Variants in ARIH1 observed in about 807,000 individuals in gnomAD.
ARIH1 encodes the protein E3 ubiquitin-protein ligase ARIH1.
A neutral mutation model predicts 85.0 loss-of-function variants in ARIH1; 8 were observed. That is an observed-to-expected ratio of 0.09 (90% CI 0.06 to 0.17). The LOEUF is 0.17. ARIH1 is among the 10% of genes least tolerant of loss of function. ARIH1 has a pLI of 1.00. For missense variants in ARIH1, 311 were observed against 718.1 expected (o/e 0.43, Z 6.48); for synonymous variants, 238 against 253.6 (o/e 0.94, Z 0.59).
In ARIH1 at chr15:72,474,873, T is replaced by TGGCGGC. The variant is rs375614248; in HGVS notation, c.252_257dup (p.Gly89_Gly90dup). On this transcript the variant is annotated inframe_insertion, in exon 1 of 14. Coordinates refer to ENST00000379887, the MANE Select transcript of ARIH1 (RefSeq NM_005744.5). ...GCGGCAGCGCTCTGGGGCCCGGCGG[T>TGGCGGC]GGCGGCGGCGGCGGCGGCGGCGGTG... The TGGCGGC allele has an allele frequency of 5.7e-4, 799 of 1,413,090 alleles. No homozygotes were observed. The highest frequency in any genetic ancestry group is 3.5e-3 in the African/African-American group (236 of 66,984). 87.5% of individuals were successfully genotyped at this position (1,413,090 alleles called of 1,614,324 possible).
intron 1 of ARIH1, among the ~76,000 whole-genome samples, chr15:72,480,567 T>G (rs1567335305): frequency 6.6e-6 from 1 of 151,530 alleles, no homozygotes; most frequent in East Asian, 1.9e-4. Flanking sequence ...AGCCACACTT[T>G]TTGTTGTTGT....
chr15:72,481,796 A>G (rs903470545), intron 1 of ARIH1, among the ~76,000 whole-genome samples: 1 of 152,132 alleles, frequency 6.6e-6, no homozygotes, highest in African/African-American at 2.4e-5. Flanking sequence ...ATGCTATGCT[A>G]TCCTTCAGCT....
intron 2 of ARIH1, among the ~76,000 whole-genome samples, chr15:72,524,686 A>G (rs2064019336): frequency 6.6e-6 from 1 of 152,232 alleles, no homozygotes; most frequent in Non-Finnish European, 1.5e-5. Flanking sequence ...CTGTCTCATA[A>G]ACGTTCAAGG....
intron 1 of ARIH1, among the ~76,000 whole-genome samples, chr15:72,507,897 C>G (rs1225472772): frequency 6.6e-6 from 1 of 152,206 alleles, no homozygotes; most frequent in Non-Finnish European, 1.5e-5. Flanking sequence ...TACTAAAATA[C>G]TATACTGCCA....
At chr15:72,484,765 A>G (rs2063830927) in intron 1 of ARIH1, among the ~76,000 whole-genome samples, 4 of 116,678 alleles carry the variant, frequency 3.4e-5, no homozygotes, top group African/African-American at 1.0e-4. Flanking sequence ...ATACATATAT[A>G]TGTGTATATA....
chr15:72,483,293 C>A (rs1196186621), intron 1 of ARIH1, among the ~76,000 whole-genome samples: 1 of 152,192 alleles, frequency 6.6e-6, no homozygotes, highest in Non-Finnish European at 1.5e-5. Context: ...GTGGGCCTCT[C>A]CATAAAGTGG....
At position 72,505,882 on chromosome 15, in the gene ARIH1, C is replaced by T. The variant is rs140488313; in HGVS notation, c.376-12185C>T. On this transcript the variant is annotated intron_variant, in intron 1 of 13. Transcript: ENST00000379887. ...TCCCGAGGAGCTGGGATTACAGGCT[C>T]GTGCCACCATAGCGGGTAATTTTTT... 2.3e-4 allele frequency among the ~76,000 whole-genome samples: 35 copies of T among 152,142 alleles called. No individual in the cohort carries two copies. In the East Asian group the frequency reaches 5.9e-3, roughly 25 times the overall value.
At chr15:72,533,796 A>G (rs577301424) in intron 2 of ARIH1, among the ~76,000 whole-genome samples, 6 of 152,122 alleles carry the variant, frequency 3.9e-5, no homozygotes, top group Admixed American at 3.9e-4. Context: ...AGTCCCAGCT[A>G]CTCAGGAGGC....
At chr15:72,540,172 C>T (rs537526546) in intron 2 of ARIH1, among the ~76,000 whole-genome samples, 3 of 144,278 alleles carry the variant, frequency 2.1e-5, no homozygotes, top group East Asian at 4.2e-4. Flanking sequence ...GCAGGAGAAT[C>T]GGTTGAACCT....
rs1376618965 is a variant in ARIH1, at chr15:72,593,574, A to G, written c.*10282A>G. On this transcript the variant is annotated 3_prime_UTR_variant, in exon 14 of 14. Transcript: ENST00000379887. ...GTTCCAGCAACATTTACTTAAAAAGACTTTTCTTTACCCATTAGATTGACT... is the reference window on the plus strand; with the variant it reads ...GTTCCAGCAACATTTACTTAAAAAGGCTTTTCTTTACCCATTAGATTGACT... 1.3e-5 allele frequency: 2 copies of G among 152,192 alleles called. No individual in the cohort carries two copies. The highest frequency in any genetic ancestry group is 2.1e-4 in the South Asian group (1 of 4,832). 9.4% of individuals were successfully genotyped at this position (152,192 alleles called of 1,614,324 possible). A position where few individuals can be genotyped will look rare whatever the true frequency, so the allele number is the denominator to read the frequency against.
At chr15:72,489,488 C>G (rs2063850492) in intron 1 of ARIH1, among the ~76,000 whole-genome samples, 1 of 152,108 alleles carries the variant, frequency 6.6e-6, no homozygotes. Context: ...CACTATCACA[C>G]ACTCAGAGTA....
intron 1 of ARIH1, among the ~76,000 whole-genome samples, chr15:72,480,843 T>C (rs1276281054): frequency 6.6e-6 from 1 of 152,202 alleles, no homozygotes; most frequent in African/African-American, 2.4e-5. Context: ...GGGATCACAG[T>C]GAGCCACCTT....
intron 1 of ARIH1, among the ~76,000 whole-genome samples, chr15:72,498,943 G>A (rs1165136852): frequency 1.4e-5 from 2 of 138,852 alleles, no homozygotes; most frequent in African/African-American, 3.0e-5. Flanking sequence ...TTTTTATGTC[G>A]TTTGCACCTT....
At chr15:72,520,817 A>G (rs1249602706) in intron 2 of ARIH1, among the ~76,000 whole-genome samples, 1 of 152,048 alleles carries the variant, frequency 6.6e-6, no homozygotes, top group Admixed American at 6.6e-5. Context: ...TGTCCCTATC[A>G]GCTTGATAAG....
At position 72,531,496 on chromosome 15, in the gene ARIH1, G is replaced by A. The variant is rs150190375; in HGVS notation, c.444-13324G>A. Among the ~76,000 whole-genome samples, 1,179 of 152,222 alleles carry A rather than the reference G, an allele frequency of 7.7e-3. 11 individuals are homozygous for A. The highest frequency in any genetic ancestry group is 0.026 in the African/African-American group (1,092 of 41,528). On this transcript the variant is annotated intron_variant, in intron 2 of 13. Coordinates refer to ENST00000379887, the MANE Select transcript of ARIH1 (RefSeq NM_005744.5). ...TTGGCCAGGCTGGTCTCGAACTCCT[G>A]ACCTCAGGTGATGTGCCTGCCTCAG... is the stretch of plus-strand genomic sequence containing the variant.
intron 2 of ARIH1, among the ~76,000 whole-genome samples, chr15:72,529,571 A>G (rs1178966485): frequency 6.6e-6 from 1 of 152,232 alleles, no homozygotes; most frequent in African/African-American, 2.4e-5. Flanking sequence ...GGAGTTACAC[A>G]CAACAGTGTA....
At chr15:72,492,200 C>T (rs1463836381) in intron 1 of ARIH1, among the ~76,000 whole-genome samples, 2 of 152,032 alleles carry the variant, frequency 1.3e-5, no homozygotes, top group Non-Finnish European at 2.9e-5. Flanking sequence ...AAATAATTCT[C>T]GACCAAAGTA....
chr15:72,546,279 AT>A, intron 3 of ARIH1, among the ~76,000 whole-genome samples: 1 of 152,258 alleles, frequency 6.6e-6, no homozygotes, highest in African/African-American at 2.4e-5. Flanking sequence ...AATGGGGTCC[AT>A]TTGTGGGGAG....
chr15:72,594,390 G>A lies in ARIH1; in HGVS notation c.*11098G>A, dbSNP rs967679299. ...TCACCATGTTGGTCAGCCTGGTCTC[G>A]AGCTCCTGACCTCGTGATCCAACCA... On this transcript the variant is annotated 3_prime_UTR_variant, in exon 14 of 14. Transcript: ENST00000379887. 2 of 152,056 alleles carry A rather than the reference G, an allele frequency of 1.3e-5. No individual in the cohort carries two copies. The highest frequency in any genetic ancestry group is 2.1e-4 in the South Asian group (1 of 4,824). The allele number at this position is 152,056 out of a possible 1,614,324, so 9.4% of individuals were successfully genotyped here. A position where few individuals can be genotyped will look rare whatever the true frequency, so the allele number is the denominator to read the frequency against.
Sources: allele counts gnomAD v4.1 joint callset (sites outside exome capture counted in the v4.1 genomes callset), GRCh38; gene constraint gnomAD v4.1.1; transcripts MANE v1.5; gene names NCBI Gene and HGNC (gene_info 2026-07-23, HGNC 2026-07-21).